Variants in AGAP1 observed in about 807,000 individuals in gnomAD.
AGAP1 encodes ArfGAP with GTPase domain, ankyrin repeat and PH domain 1.
In AGAP1, 29 loss-of-function variants were observed where a neutral mutation model predicts 105.3. That is an observed-to-expected ratio of 0.28 (90% CI 0.21 to 0.38). The LOEUF is 0.38. Ranked by LOEUF, AGAP1 falls within the 10% of genes least tolerant of loss-of-function variation. AGAP1 has a pLI of 1.00. For missense variants in AGAP1, 998 were observed against 1,165.1 expected (o/e 0.86, Z 2.09); for synonymous variants, 509 against 485.9 (o/e 1.05, Z -0.63).
intron 5 of AGAP1, among the ~76,000 whole-genome samples, chr2:235,749,413 A>T (rs1015606001): frequency 6.6e-6 from 1 of 151,654 alleles, no homozygotes. Flanking sequence ...TTTTTTAGGA[A>T]ACTGGTGCCG....
At chr2:235,626,284 A>G (rs1430174615) in intron 1 of AGAP1, among the ~76,000 whole-genome samples, 1 of 152,154 alleles carries the variant, frequency 6.6e-6, no homozygotes, top group Non-Finnish European at 1.5e-5. Context: ...TTTGAACCCG[A>G]GAGGCAGAGG....
At chr2:235,540,705 G>T (rs1381173610) in intron 1 of AGAP1, among the ~76,000 whole-genome samples, 1 of 152,170 alleles carries the variant, frequency 6.6e-6, no homozygotes, top group African/African-American at 2.4e-5. Context: ...GGGATGAAGA[G>T]ACCCTTATGA....
At position 236,019,710 on chromosome 2, in the gene AGAP1, GACCAGTACCAGTGGA is replaced by G. The variant is rs543728362; in HGVS notation, c.1646-16850_1646-16836del. ...AGGTGTGTGCCGAGGATTCTTTTGG[GACCAGTACCAGTGGA>G]GGGGACTAGATGATCCACAGATCTG... is the stretch of plus-strand genomic sequence containing the variant. On this transcript the variant is annotated intron_variant, in intron 13 of 17. Coordinates refer to ENST00000304032, the MANE Select transcript of AGAP1 (RefSeq NM_001037131.3). 3.3e-5 allele frequency among the ~76,000 whole-genome samples: 5 copies of G among 152,314 alleles called. No homozygotes were observed. The South Asian group carries it at 1.0e-3, about 32-fold the overall frequency.
intron 13 of AGAP1, among the ~76,000 whole-genome samples, chr2:236,021,928 G>A (rs540781975): frequency 1.4e-4 from 21 of 151,756 alleles, no homozygotes; most frequent in African/African-American, 4.8e-4. Flanking sequence ...GTGTGGTGGC[G>A]CATGCCTGTA....
At chr2:235,748,448 T>C (rs1953149859) in intron 5 of AGAP1, among the ~76,000 whole-genome samples, 1 of 152,192 alleles carries the variant, frequency 6.6e-6, no homozygotes, top group Non-Finnish European at 1.5e-5. Context: ...TTTTCTTAAA[T>C]GTTGTGAAAT....
At chr2:235,603,226 C>G (rs1212832866) in intron 1 of AGAP1, among the ~76,000 whole-genome samples, 1 of 151,858 alleles carries the variant, frequency 6.6e-6, no homozygotes, top group Non-Finnish European at 1.5e-5. Context: ...TCGTCTCTCT[C>G]TTGCCTGCCG....
chr2:235,892,401 TG>T (rs1274165309), intron 10 of AGAP1, among the ~76,000 whole-genome samples: 1 of 152,182 alleles, frequency 6.6e-6, no homozygotes, highest in African/African-American at 2.4e-5. Flanking sequence ...AGTTTGGTTT[TG>T]TTCTTTCAAA....
intron 16 of AGAP1, among the ~76,000 whole-genome samples, chr2:236,066,793 G>GC (rs1468804115): frequency 3.3e-5 from 5 of 152,048 alleles, no homozygotes; most frequent in Non-Finnish European, 7.4e-5. Context: ...AACTTCCCCT[G>GC]TCCCCCCTCC....
chr2:235,836,728 C>T (rs906351646), intron 9 of AGAP1, among the ~76,000 whole-genome samples: 1 of 152,186 alleles, frequency 6.6e-6, no homozygotes, highest in Non-Finnish European at 1.5e-5. Flanking sequence ...CCACTCTTCT[C>T]AAGGAGCGGG....
In AGAP1 at chr2:235,664,703, C is replaced by T. The variant is rs1195943842; in HGVS notation, c.164-44476C>T. ...GGAAATGAAGTCTCAGTGTGGGGTC[C>T]GATGCTTCCTATGGCTGCATGGAGG... On this transcript the variant is annotated intron_variant, in intron 1 of 17. Transcript: ENST00000304032. The surrounding 1 kb of genome is among the most constrained non-coding windows in gnomAD (Gnocchi z 5.7). 1.3e-5 allele frequency among the ~76,000 whole-genome samples: 2 copies of T among 152,164 alleles called. No homozygotes were observed. The highest frequency in any genetic ancestry group is 4.8e-5 in the African/African-American group (2 of 41,448).
chr2:235,567,331 C>G lies in AGAP1; in HGVS notation c.163+72482C>G, dbSNP rs1206293139. ...GTTCATGAGAGAGGACTGCTCTGCC[C>G]TCAGCTGGCCCATGGCCTTCCCTTC... On this transcript the variant is annotated intron_variant, in intron 1 of 17. Transcript: ENST00000304032. Among the ~76,000 whole-genome samples the G allele has an allele frequency of 9.8e-5, 15 of 152,352 alleles. 1 individual carries two copies. Among genetic ancestry groups the G allele is most frequent in the Admixed American group, 9.1e-4 (14 of 15,310 alleles).
chr2:235,767,979 G>A (rs1955113532), intron 6 of AGAP1, among the ~76,000 whole-genome samples: 1 of 151,966 alleles, frequency 6.6e-6, no homozygotes, highest in South Asian at 2.1e-4. Flanking sequence ...TAGAGACAGG[G>A]TTACACCATG....
chr2:235,568,923 AGAAG>A (rs1574865130), intron 1 of AGAP1, among the ~76,000 whole-genome samples: 1 of 130,076 alleles, frequency 7.7e-6, no homozygotes, highest in Non-Finnish European at 1.7e-5. Flanking sequence ...GCTTTTTCTT[AGAAG>A]GATGCCTGTG....
At chr2:236,072,482 A>G (rs2058528744) in intron 16 of AGAP1, 1 of 150,570 alleles carries the variant, frequency 6.6e-6, no homozygotes, top group East Asian at 1.9e-4. Context: ...CCTCTTGCCC[A>G]GAGTGGAGTA....
At position 235,653,690 on chromosome 2, in the gene AGAP1, T is replaced by G. The variant is rs528931766; in HGVS notation, c.164-55489T>G. On this transcript the variant is annotated intron_variant, in intron 1 of 17. Coordinates refer to ENST00000304032, the MANE Select transcript of AGAP1 (RefSeq NM_001037131.3). ...GTTTAAAAAACAATGTATGTTTCAC[T>G]CAGAGCATAAACAAAATTGTTGAAG... Among the ~76,000 whole-genome samples, 8 of 152,292 alleles carry G rather than the reference T, an allele frequency of 5.3e-5. No individual in the cohort carries two copies. The East Asian group carries it at 9.7e-4, about 18-fold the overall frequency.
chr2:235,696,555 CGT>C (rs1171009853), intron 1 of AGAP1, among the ~76,000 whole-genome samples: 1 of 152,118 alleles, frequency 6.6e-6, no homozygotes, highest in African/African-American at 2.4e-5. Context: ...AGAGATGGTC[CGT>C]GTGGGTCAGC....
chr2:236,023,532 G>A (rs1031105515), intron 13 of AGAP1, among the ~76,000 whole-genome samples: 7 of 152,124 alleles, frequency 4.6e-5, no homozygotes, highest in African/African-American at 7.2e-5. Context: ...TGTTCACCAC[G>A]GCTTTGTGGT....
At chr2:235,948,331 C>T (rs1272599467) in intron 12 of AGAP1, among the ~76,000 whole-genome samples, 1 of 151,924 alleles carries the variant, frequency 6.6e-6, no homozygotes, top group African/African-American at 2.4e-5. Context: ...CACAGGCATG[C>T]GCCACCATGC....
rs2054509192 is a variant in AGAP1 at position 235,968,614 on chromosome 2, A to G, written c.1636A>G (p.Thr546Ala). 6.2e-7 allele frequency: 1 copy of G among 1,604,726 alleles called. No homozygotes were observed. Among genetic ancestry groups the G allele is most frequent in the Non-Finnish European group, 8.5e-7 (1 of 1,175,896 alleles). Residue 546 changes from threonine to alanine, a missense_variant, in exon 13 of 18, where the codon ACT becomes GCT. Physicochemically the swap from Thr to Ala is moderately conservative, Grantham distance 58 (BLOSUM62 0). Coordinates refer to ENST00000304032, the MANE Select transcript of AGAP1 (RefSeq NM_001037131.3). Reference protein sequence around the residue: ...SNFKADGLSGTAEEQEENFEF... With the variant: ...SNFKADGLSGAAEEQEENFEF... ...CTTCAAAGCCGACGGCCTGTCCGGC[A>G]CTGCTGAAGGTAAGGGTTCCGCGGT...
Sources: gnomAD v4.1 joint callset for allele counts (sites outside exome capture counted in the v4.1 genomes callset) on GRCh38, gnomAD v4.1.1 for gene constraint, Gnocchi (gnomAD v3.1) non-coding constraint, MANE v1.5 for transcripts, NCBI Gene and HGNC (gene_info 2026-07-23, HGNC 2026-07-21) for gene names.